Variants in SPTLC3 observed in about 807,000 individuals in gnomAD.
SPTLC3 encodes the protein serine palmitoyltransferase long chain base subunit 3.
Under a neutral mutation model 59.3 loss-of-function variants are expected in SPTLC3, and 36 were observed. That is an observed-to-expected ratio of 0.61 (90% CI 0.47 to 0.80). The LOEUF (loss-of-function observed/expected upper bound fraction) is 0.80. SPTLC3 is among the 30% of genes least tolerant of loss of function. The pLI is 0.00. For missense variants in SPTLC3, 625 were observed against 685.1 expected, an observed-to-expected ratio of 0.91 and a Z score of 0.98; for synonymous variants, 257 against 240.8, an observed-to-expected ratio of 1.07 and a Z score of -0.62.
intron 1 of SPTLC3, among the ~76,000 whole-genome samples, chr20:13,012,364 A>C (rs1985300317): frequency 6.6e-6 from 1 of 152,202 alleles, no homozygotes; most frequent in Non-Finnish European, 1.5e-5. Flanking sequence ...GAGCCCTAAC[A>C]GGTGGTTGCT....
intron 2 of SPTLC3, among the ~76,000 whole-genome samples, chr20:13,071,911 T>A (rs243886): frequency 0.77 from 117,766 of 152,134 alleles, 46,514 homozygotes; most frequent in African/African-American, 0.93. Flanking sequence ...AAAGTTGAAA[T>A]CACATGATCA....
At chr20:13,056,804 C>T (rs1454921771) in intron 2 of SPTLC3, among the ~76,000 whole-genome samples, 21 of 147,782 alleles carry the variant, frequency 1.4e-4, no homozygotes, top group Non-Finnish European at 2.7e-4. Context: ...TGCAGTGGTG[C>T]AATCTTGGCT....
At chr20:13,095,807 CT>C (rs1205268457) in intron 6 of SPTLC3, among the ~76,000 whole-genome samples, 8 of 151,958 alleles carry the variant, frequency 5.3e-5, no homozygotes, top group Non-Finnish European at 8.8e-5. Flanking sequence ...ATTATCCTCA[CT>C]CTTCCTCTCT....
intron 7 of SPTLC3, among the ~76,000 whole-genome samples, chr20:13,117,171 A>T (rs576800274): frequency 1.3e-5 from 2 of 152,382 alleles, no homozygotes; most frequent in Non-Finnish European, 2.9e-5. Context: ...ATTCTAGCAG[A>T]ATATCTAGAA....
chr20:13,035,371 A>G (rs1986688668), intron 1 of SPTLC3, among the ~76,000 whole-genome samples: 1 of 152,272 alleles, frequency 6.6e-6, no homozygotes, highest in Admixed American at 6.5e-5. Context: ...ACTTGAGTTG[A>G]CTGAGCAACT....
intron 9 of SPTLC3, among the ~76,000 whole-genome samples, chr20:13,150,912 T>G (rs924782549): frequency 6.6e-6 from 1 of 152,204 alleles, no homozygotes; most frequent in African/African-American, 2.4e-5. Context: ...ATTTATTGAT[T>G]TTTTTCAGAT....
intron 7 of SPTLC3, among the ~76,000 whole-genome samples, chr20:13,111,934 T>C (rs1423110109): frequency 6.6e-6 from 1 of 152,154 alleles, no homozygotes; most frequent in Non-Finnish European, 1.5e-5. Context: ...GGCTTCTTAG[T>C]GGCCATGCCA....
At chr20:13,033,582 A>C (rs917089967) in intron 1 of SPTLC3, among the ~76,000 whole-genome samples, 8 of 152,192 alleles carry the variant, frequency 5.3e-5, no homozygotes, top group Non-Finnish European at 7.3e-5. Flanking sequence ...GGATGTCAGA[A>C]ATGTAGCCTA....
Position 13,152,818 on chromosome 20 carries a change from T to C in SPTLC3, c.1280-1185T>C, listed in dbSNP as rs151052479. 1.9e-3 allele frequency among the ~76,000 whole-genome samples: 287 copies of C among 152,314 alleles called. 1 individual carries two copies. Among genetic ancestry groups the C allele is most frequent in the East Asian group, 0.016 (83 of 5,180 alleles). ...ACAAGATGCCCCCTGTTCAACCCTT[T>C]GAAAAGGCACAATCTGGGGCCATTT... On this transcript the variant is annotated intron_variant, in intron 9 of 11. Coordinates refer to ENST00000399002, the MANE Select transcript of SPTLC3 (RefSeq NM_018327.4).
At chr20:13,105,346 A>C (rs1233080502) in intron 6 of SPTLC3, among the ~76,000 whole-genome samples, 1 of 152,258 alleles carries the variant, frequency 6.6e-6, no homozygotes, top group Middle Eastern at 3.4e-3. Context: ...GAACTCCACC[A>C]AAAGCCACTC....
At chr20:13,139,923 T>C (rs1431615631) in intron 9 of SPTLC3, among the ~76,000 whole-genome samples, 2 of 152,220 alleles carry the variant, frequency 1.3e-5, no homozygotes, top group Non-Finnish European at 2.9e-5. Context: ...GGTCTACTAG[T>C]CTGGCTTTTA....
At chr20:13,154,203 C>T in intron 10 of SPTLC3, 65 bp downstream of exon 10, 1 of 1,592,732 alleles carries the variant, frequency 6.3e-7, no homozygotes, top group Non-Finnish European at 8.6e-7. Context: ...GGCTTTTTGG[C>T]ACAGGCGTTA....
intron 1 of SPTLC3, among the ~76,000 whole-genome samples, chr20:13,027,268 T>C (rs1568568845): frequency 1.3e-5 from 2 of 152,222 alleles, no homozygotes; most frequent in Non-Finnish European, 2.9e-5. Flanking sequence ...ACCTTCAGCA[T>C]CAACTACAAT....
chr20:13,063,750 G>A (rs984818236), intron 2 of SPTLC3, among the ~76,000 whole-genome samples: 30 of 151,036 alleles, frequency 2.0e-4, no homozygotes, highest in African/African-American at 7.3e-4. Flanking sequence ...CTCCCCATGG[G>A]TTCAAGTGAT....
intron 1 of SPTLC3, among the ~76,000 whole-genome samples, chr20:13,017,582 T>C (rs1387078987): frequency 2.0e-5 from 3 of 152,240 alleles, no homozygotes; most frequent in East Asian, 1.9e-4. Flanking sequence ...CAGACCAACA[T>C]AGATTCATAA....
intron 9 of SPTLC3, among the ~76,000 whole-genome samples, chr20:13,149,730 G>A (rs976637448): frequency 6.6e-6 from 1 of 152,238 alleles, no homozygotes; most frequent in Non-Finnish European, 1.5e-5. Context: ...CATCTGTTTG[G>A]TCAAGTCTCT....
intron 1 of SPTLC3, among the ~76,000 whole-genome samples, chr20:13,009,718 T>C (rs1600197100): frequency 6.6e-6 from 1 of 152,170 alleles, no homozygotes. Flanking sequence ...TATATTTTTG[T>C]CCAAGAGACC....
intron 1 of SPTLC3, among the ~76,000 whole-genome samples, chr20:13,018,916 G>T (rs190619274): frequency 6.6e-6 from 1 of 152,080 alleles, no homozygotes; most frequent in African/African-American, 2.4e-5. Flanking sequence ...AATATTTTCC[G>T]GTGATTTGGA....
At chr20:13,024,681 A>G (rs780847243) in intron 1 of SPTLC3, among the ~76,000 whole-genome samples, 3 of 152,188 alleles carry the variant, frequency 2.0e-5, no homozygotes, top group African/African-American at 4.8e-5. Flanking sequence ...CTCACTTAAA[A>G]TTAAAGAGTT....
Sources: allele counts gnomAD v4.1 joint callset (sites outside exome capture counted in the v4.1 genomes callset), GRCh38; gene constraint gnomAD v4.1.1; transcripts MANE v1.5; gene names NCBI Gene and HGNC (gene_info 2026-07-23, HGNC 2026-07-21).